Variants in SLC10A7 observed in about 807,000 individuals in gnomAD.
The protein encoded by SLC10A7 is sodium/bile acid cotransporter 7.
SLC10A7 carries 29 observed loss-of-function variants against 43.2 expected under a neutral mutation model. The observed-to-expected ratio is 0.67, with a 90% CI of 0.50 to 0.92. The LOEUF (loss-of-function observed/expected upper bound fraction) is 0.92. Ranked by LOEUF, SLC10A7 falls within the 40% of genes least tolerant of loss-of-function variation. SLC10A7 has a pLI of 0.00. For missense variants in SLC10A7, 295 were observed against 403.2 expected (o/e 0.73, Z 2.30); for synonymous variants, 152 against 144.8 (o/e 1.05, Z -0.35).
intron 5 of SLC10A7, among the ~76,000 whole-genome samples, chr4:146,344,141 T>C (rs1734452399): frequency 6.6e-6 from 1 of 152,006 alleles, no homozygotes; most frequent in East Asian, 1.9e-4. Context: ...CACAGTTAAG[T>C]TGCAGTATCT....
At chr4:146,506,476 T>A (rs1219452270) in intron 3 of SLC10A7, among the ~76,000 whole-genome samples, 1 of 152,170 alleles carries the variant, frequency 6.6e-6, no homozygotes, top group Non-Finnish European at 1.5e-5. Flanking sequence ...TGTGACTCAC[T>A]TTTGACCTTT....
chr4:146,294,643 G>T (rs2111193581), intron 7 of SLC10A7, among the ~76,000 whole-genome samples: 1 of 152,280 alleles, frequency 6.6e-6, no homozygotes. Context: ...TGTGTTGTGG[G>T]AGTTTAAATA....
chr4:146,364,155 G>A (rs746251337), intron 5 of SLC10A7, among the ~76,000 whole-genome samples: 1 of 151,632 alleles, frequency 6.6e-6, no homozygotes, highest in Non-Finnish European at 1.5e-5. Context: ...AGACAAAAAG[G>A]TTACATTACC....
At chr4:146,449,004 T>G (rs6537420) in intron 4 of SLC10A7, among the ~76,000 whole-genome samples, 80,885 of 151,984 alleles carry the variant, frequency 0.53, 22,091 homozygotes, top group East Asian at 0.64. Context: ...GAGGGTGATA[T>G]CTACAAATGA....
intron 5 of SLC10A7, among the ~76,000 whole-genome samples, chr4:146,350,007 A>AT (rs1213461309): frequency 5.9e-5 from 9 of 151,808 alleles, no homozygotes; most frequent in South Asian, 2.1e-4. Flanking sequence ...ATTAAAAAAA[A>AT]ATATATATAT....
intron 10 of SLC10A7, among the ~76,000 whole-genome samples, chr4:146,275,925 G>A (rs995477712): frequency 6.6e-5 from 10 of 152,128 alleles, no homozygotes; most frequent in African/African-American, 2.4e-4. Context: ...TCAAAGCTAC[G>A]TAATGACATT....
At chr4:146,511,481 G>A (rs1286966813) in intron 2 of SLC10A7, among the ~76,000 whole-genome samples, 1 of 152,168 alleles carries the variant, frequency 6.6e-6, no homozygotes, top group Admixed American at 6.6e-5. Context: ...CAGCCTCAGG[G>A]ACATTAGCCA....
chr4:146,384,450 A>G (rs1161463402), intron 5 of SLC10A7, among the ~76,000 whole-genome samples: 1 of 152,110 alleles, frequency 6.6e-6, no homozygotes, highest in Non-Finnish European at 1.5e-5. Context: ...ACTAATGGGA[A>G]ATGGGTAAAA....
At chr4:146,491,419 A>G (rs1047026395) in intron 4 of SLC10A7, among the ~76,000 whole-genome samples, 3 of 152,202 alleles carry the variant, frequency 2.0e-5, no homozygotes, top group Non-Finnish European at 4.4e-5. Flanking sequence ...TATCCATTAA[A>G]GTTTAGGATA....
chr4:146,504,800 A>G (rs1050329362), intron 3 of SLC10A7, among the ~76,000 whole-genome samples: 7 of 152,204 alleles, frequency 4.6e-5, no homozygotes, highest in Admixed American at 3.9e-4. Flanking sequence ...GCATGACACA[A>G]TCACATACTT....
chr4:146,513,141 TG>T (rs886108356), intron 2 of SLC10A7, among the ~76,000 whole-genome samples: 3 of 150,288 alleles, frequency 2.0e-5, no homozygotes, highest in African/African-American at 7.3e-5. Context: ...GGTGGAAGAG[TG>T]AAAAAAAAAA....
chr4:146,352,998 C>T (rs1453498867), intron 5 of SLC10A7, among the ~76,000 whole-genome samples: 39 of 149,724 alleles, frequency 2.6e-4, no homozygotes, highest in Admixed American at 6.0e-4. Context: ...AGAGCAAACA[C>T]ATTCAAAAGC....
At chr4:146,424,204 A>C (rs1314627021) in intron 5 of SLC10A7, among the ~76,000 whole-genome samples, 1 of 152,170 alleles carries the variant, frequency 6.6e-6, no homozygotes, top group East Asian at 1.9e-4. Flanking sequence ...AGCGGGCAAC[A>C]CCACATCTGT....
intron 4 of SLC10A7, among the ~76,000 whole-genome samples, chr4:146,493,544 T>C (rs1272302035): frequency 6.6e-6 from 1 of 152,060 alleles, no homozygotes; most frequent in African/African-American, 2.4e-5. Context: ...TTTTGTGGCT[T>C]GTGTTTTTTT....
chr4:146,320,604 T>C (rs1228474400), intron 6 of SLC10A7, among the ~76,000 whole-genome samples: 1 of 151,840 alleles, frequency 6.6e-6, no homozygotes, highest in Non-Finnish European at 1.5e-5. Flanking sequence ...TGAAATAAAG[T>C]GGAGGGCAAG....
chr4:146,445,908 T>TGC (rs1378539815), intron 4 of SLC10A7, among the ~76,000 whole-genome samples: 4 of 151,680 alleles, frequency 2.6e-5, no homozygotes, highest in African/African-American at 7.3e-5. Flanking sequence ...TGTGTGTGTG[T>TGC]GTGTGTGCAC....
At chr4:146,419,695 G>A (rs1728817421) in intron 5 of SLC10A7, among the ~76,000 whole-genome samples, 1 of 151,922 alleles carries the variant, frequency 6.6e-6, no homozygotes, top group East Asian at 1.9e-4. Flanking sequence ...AATTAGCCAG[G>A]CATGGTGGCG....
chr4:146,437,348 G>A (rs1477140331), intron 5 of SLC10A7, among the ~76,000 whole-genome samples: 1 of 152,062 alleles, frequency 6.6e-6, no homozygotes, highest in Non-Finnish European at 1.5e-5. Context: ...TCTGAACACA[G>A]TTATTAATTT....
At chr4:146,317,413 CATAG>C (rs546533249) in intron 6 of SLC10A7, among the ~76,000 whole-genome samples, 3 of 151,966 alleles carry the variant, frequency 2.0e-5, no homozygotes, top group Non-Finnish European at 4.4e-5. Flanking sequence ...AGTTGGAGAA[CATAG>C]ATAAACAAAT....
Sources: allele counts gnomAD v4.1 joint callset (sites outside exome capture counted in the v4.1 genomes callset), GRCh38; gene constraint gnomAD v4.1.1; transcripts MANE v1.5; gene names NCBI Gene and HGNC (gene_info 2026-07-23, HGNC 2026-07-21).